KAZN: variants seen among roughly 807,000 people sequenced by gnomAD.
KAZN encodes kazrin, periplakin interacting protein.
Under a neutral mutation model 87.4 loss-of-function variants are expected in KAZN, and 40 were observed. That is an observed-to-expected ratio of 0.46 (90% CI 0.36 to 0.60). The LOEUF (loss-of-function observed/expected upper bound fraction) is 0.60. Among genes scored for constraint, KAZN ranks in the 20% least tolerant of loss-of-function variants. The probability of loss-of-function intolerance (pLI) is 0.00; values close to 1 mark genes in which losing one functional copy is unlikely to be tolerated. For missense variants in KAZN, 898 were observed against 1,073.9 expected (o/e 0.84, Z 2.29); for synonymous variants, 466 against 458.3 (o/e 1.02, Z -0.22).
intron 1 of KAZN, among the ~76,000 whole-genome samples, chr1:14,099,638 C>A (rs1173616753): frequency 1.3e-5 from 2 of 152,172 alleles, no homozygotes; most frequent in South Asian, 2.1e-4. Flanking sequence ...TTGGCCTAGT[C>A]CTGCCCACGA....
intron 1 of KAZN, among the ~76,000 whole-genome samples, chr1:14,886,410 G>A (rs531267807): frequency 6.6e-6 from 1 of 151,560 alleles, no homozygotes. Flanking sequence ...ATGAACGCAT[G>A]AGGCCTTGTC....
chr1:14,254,959 A>G (rs1043831265), intron 2 of KAZN, among the ~76,000 whole-genome samples: 4 of 151,902 alleles, frequency 2.6e-5, no homozygotes, highest in African/African-American at 7.3e-5. Flanking sequence ...CGTCTCTACT[A>G]AAAATACAAA....
chr1:14,525,194 T>C (rs913942768), intron 2 of KAZN, among the ~76,000 whole-genome samples: 1 of 152,258 alleles, frequency 6.6e-6, no homozygotes, highest in Non-Finnish European at 1.5e-5. Flanking sequence ...AGAGTGTAAA[T>C]GTACATATTG....
At chr1:14,624,904 G>C (rs369278415) in intron 1 of KAZN, among the ~76,000 whole-genome samples, 2 of 152,026 alleles carry the variant, frequency 1.3e-5, no homozygotes, top group East Asian at 3.9e-4. Flanking sequence ...TACCTACCCT[G>C]CTTGATCTCA....
At chr1:14,684,750 C>G (rs1354539036) in intron 1 of KAZN, among the ~76,000 whole-genome samples, 2 of 152,198 alleles carry the variant, frequency 1.3e-5, no homozygotes. Context: ...CATGGCCTTC[C>G]TCCCAGTCTG....
At chr1:15,007,824 C>A (rs892222963) in intron 2 of KAZN, among the ~76,000 whole-genome samples, 1 of 152,204 alleles carries the variant, frequency 6.6e-6, no homozygotes, top group African/African-American at 2.4e-5. Flanking sequence ...TTTCACTTCT[C>A]GGCTTTGATT....
chr1:14,644,116 A>G (rs1248422002), intron 1 of KAZN, among the ~76,000 whole-genome samples: 2 of 147,836 alleles, frequency 1.4e-5, no homozygotes, highest in Admixed American at 6.9e-5. Flanking sequence ...GGTTCAAGCA[A>G]TTCTCCCATC....
chr1:14,789,843 T>G (rs1282698551), intron 1 of KAZN, among the ~76,000 whole-genome samples: 1 of 148,324 alleles, frequency 6.7e-6, no homozygotes, highest in African/African-American at 2.5e-5. Context: ...ATATGTTTGC[T>G]GAATTAAAGC....
chr1:14,255,936 G>A (rs192327807), intron 2 of KAZN, among the ~76,000 whole-genome samples: 19 of 152,238 alleles, frequency 1.2e-4, no homozygotes, highest in Admixed American at 1.0e-3. Context: ...CCCACTCTAG[G>A]CAAGAAAATG....
At chr1:14,752,274 A>G (rs1330608997) in intron 1 of KAZN, among the ~76,000 whole-genome samples, 3 of 152,220 alleles carry the variant, frequency 2.0e-5, no homozygotes, top group African/African-American at 7.2e-5. Flanking sequence ...TATTCAAACC[A>G]TAGCAGACGA....
chr1:14,157,190 ACTGT>A (rs1430137653), intron 1 of KAZN, among the ~76,000 whole-genome samples: 9 of 151,942 alleles, frequency 5.9e-5, no homozygotes, highest in East Asian at 1.9e-4. Flanking sequence ...ATCTTATTGT[ACTGT>A]CTATGTCTTG....
chr1:14,733,261 T>C (rs1471535692), intron 1 of KAZN, among the ~76,000 whole-genome samples: 1 of 151,974 alleles, frequency 6.6e-6, no homozygotes, highest in Admixed American at 6.6e-5. Context: ...GTGCTTGGAG[T>C]TACCATGAAA....
At chr1:14,511,009 T>C (rs188785475) in intron 2 of KAZN, among the ~76,000 whole-genome samples, 20 of 152,120 alleles carry the variant, frequency 1.3e-4, no homozygotes, top group African/African-American at 4.8e-4. Flanking sequence ...TTAATCTTGG[T>C]GGCCATTGGT....
intron 2 of KAZN, among the ~76,000 whole-genome samples, chr1:14,196,781 A>G (rs1646534622): frequency 6.6e-6 from 1 of 152,018 alleles, no homozygotes; most frequent in African/African-American, 2.4e-5. Flanking sequence ...AGTGTAAATG[A>G]GGAGAGGAGA....
intron 1 of KAZN, among the ~76,000 whole-genome samples, chr1:14,871,181 A>C (rs1652086586): frequency 6.6e-6 from 1 of 152,018 alleles, no homozygotes. Context: ...TTAGTCCTGC[A>C]CCTCCTCACG....
chr1:14,957,140 G>A (rs766238519), intron 1 of KAZN, among the ~76,000 whole-genome samples: 8 of 152,170 alleles, frequency 5.3e-5, no homozygotes, highest in Non-Finnish European at 1.2e-4. Context: ...GGCCTGGAAT[G>A]TAGGTGGGCC....
At chr1:14,595,115 G>T (rs1484260423), upstream of KAZN, among the ~76,000 whole-genome samples, 1 of 148,892 alleles carries the variant, frequency 6.7e-6, no homozygotes, top group Admixed American at 6.7e-5. Context: ...CTATGCTCCA[G>T]CCTGGGAGAC....
intron 1 of KAZN, among the ~76,000 whole-genome samples, chr1:13,950,447 C>T (rs186069246): frequency 2.9e-4 from 44 of 152,338 alleles, no homozygotes; most frequent in African/African-American, 1.0e-3. Context: ...ATATCCCCAG[C>T]GTTCAGTGTA....
chr1:14,443,168 T>C (rs1230196998), intron 2 of KAZN, among the ~76,000 whole-genome samples: 2 of 152,226 alleles, frequency 1.3e-5, no homozygotes, highest in Non-Finnish European at 2.9e-5. Flanking sequence ...AGTAATATAT[T>C]AAAAGAAAGG....
Sources: allele counts gnomAD v4.1 joint callset (sites outside exome capture counted in the v4.1 genomes callset), GRCh38; gene constraint gnomAD v4.1.1; transcripts MANE v1.5; gene names NCBI Gene and HGNC (gene_info 2026-07-23, HGNC 2026-07-21).